The following KLHL2 variants were observed in gnomAD, a reference collection of about 807,000 sequenced individuals.
KLHL2 encodes the protein kelch-like protein 2.
KLHL2 carries 15 observed loss-of-function variants against 75.8 expected under a neutral mutation model. The ratio of observed to expected loss-of-function variants is 0.20; its 90% CI spans 0.13 to 0.30. KLHL2 has a LOEUF of 0.30. KLHL2 is among the 10% of genes least tolerant of loss of function. The pLI, the probability that KLHL2 is intolerant of heterozygous loss-of-function variation, is 1.00. For missense variants in KLHL2, 381 were observed against 741.0 expected (o/e 0.51, Z 5.64); for synonymous variants, 214 against 251.9 (o/e 0.85, Z 1.42).
At chr4:165,304,702 G>A (rs1373217733) in intron 8 of KLHL2, among the ~76,000 whole-genome samples, 1 of 152,168 alleles carries the variant, frequency 6.6e-6, no homozygotes, top group Middle Eastern at 3.4e-3. Context: ...ACTAAATTAC[G>A]GCAGCTTTTC....
At chr4:165,235,056 T>C (rs966031131) in intron 3 of KLHL2, among the ~76,000 whole-genome samples, 1 of 152,204 alleles carries the variant, frequency 6.6e-6, no homozygotes, top group African/African-American at 2.4e-5. Context: ...GCTCACTCTG[T>C]AATGTACAGT....
intron 8 of KLHL2, among the ~76,000 whole-genome samples, chr4:165,303,721 C>G (rs1246827979): frequency 6.6e-6 from 1 of 152,108 alleles, no homozygotes; most frequent in African/African-American, 2.4e-5. Flanking sequence ...CACTATCATG[C>G]CTGGCTAATT....
At chr4:165,214,995 A>G (rs969563757) in intron 1 of KLHL2, among the ~76,000 whole-genome samples, 7 of 152,130 alleles carry the variant, frequency 4.6e-5, no homozygotes, top group Non-Finnish European at 8.8e-5. Context: ...CTGAAGACCT[A>G]ATCCAAGTTC....
Position 165,246,471 on chromosome 4 carries a change from T to C in KLHL2, c.381+7572T>C, listed in dbSNP as rs543341738. Among the ~76,000 whole-genome samples, 341 of 152,120 alleles carry C rather than the reference T, an allele frequency of 2.2e-3. 1 individual carries two copies. The highest frequency in any genetic ancestry group is 7.9e-3 in the African/African-American group (326 of 41,480). On this transcript the variant is annotated intron_variant, in intron 4 of 14. Coordinates refer to ENST00000226725, the MANE Select transcript of KLHL2 (RefSeq NM_007246.4). The stretch of plus-strand genomic sequence containing the variant: ...GCAGTAGAAGAAGTTGGAGGCCCTT[T>C]AGATACCTGTTGGGGTAGGCTAAGT...
chr4:165,223,297 A>G (rs1204080888), intron 2 of KLHL2, among the ~76,000 whole-genome samples: 2 of 152,250 alleles, frequency 1.3e-5, no homozygotes, highest in Non-Finnish European at 2.9e-5. Flanking sequence ...GTGTCTAGAG[A>G]GCTGCTGGAC....
At chr4:165,280,986 A>T (rs1310054650) in intron 5 of KLHL2, among the ~76,000 whole-genome samples, 2 of 152,344 alleles carry the variant, frequency 1.3e-5, no homozygotes, top group African/African-American at 2.4e-5. Flanking sequence ...GAAAATGAAG[A>T]CCAGAGATAT....
rs911763418 is a variant in KLHL2, at chr4:165,305,464, G to A, written c.922-144G>A. 9.3e-6 allele frequency: 6 copies of A among 644,932 alleles called. No individual in the cohort carries two copies. In the East Asian group the frequency reaches 1.3e-4, roughly 14 times the overall value. The allele number at this position is 644,932 out of a possible 1,614,324, so 40.0% of individuals were successfully genotyped here. A position where few individuals can be genotyped will look rare whatever the true frequency, so the allele number is the denominator to read the frequency against. ...CTTGGTTGATGTTTATGAAATGTTG[G>A]TTAGGTGGTTAGATGTTTGTATTCG... On this transcript the variant is annotated intron_variant, in intron 8 of 14. Coordinates refer to ENST00000226725, the MANE Select transcript of KLHL2 (RefSeq NM_007246.4).
intron 14 of KLHL2, 102 bp from the exon 15 acceptor site, chr4:165,321,930 A>C: frequency 3.0e-6 from 3 of 987,288 alleles, no homozygotes; most frequent in Non-Finnish European, 4.9e-6. Context: ...TGATTTGTAC[A>C]GTTCCTCCTG....
intron 4 of KLHL2, among the ~76,000 whole-genome samples, chr4:165,247,052 A>G (rs1464793600): frequency 2.6e-5 from 4 of 152,202 alleles, no homozygotes; most frequent in Non-Finnish European, 4.4e-5. Flanking sequence ...TCAAGGAGAC[A>G]GTGTTTGGCT....
chr4:165,278,963 T>C, intron 5 of KLHL2: 1 of 1,494,716 alleles, frequency 6.7e-7, no homozygotes, highest in Non-Finnish European at 9.3e-7. Flanking sequence ...TGGAAGAATT[T>C]CCATTGGAAT....
At chr4:165,305,476 G>T in intron 8 of KLHL2, 132 bp from the exon 9 acceptor site, 1 of 699,152 alleles carries the variant, frequency 1.4e-6, no homozygotes. Flanking sequence ...TAGGTGGTTA[G>T]ATGTTTGTAT....
At position 165,235,653 on chromosome 4, in the gene KLHL2, T is replaced by C. The variant is rs543631936; in HGVS notation, c.260-3125T>C. On this transcript the variant is annotated intron_variant, in intron 3 of 14. Transcript: ENST00000226725. ...TCCCTGTTCTCAGTGAGCTTAAGAA[T>C]TCAGAGGAGGAGAACTAGGTAAAGA... 2.6e-5 allele frequency among the ~76,000 whole-genome samples: 4 copies of C among 152,240 alleles called. No individual in the cohort carries two copies. In the South Asian group the frequency reaches 6.2e-4, roughly 24 times the overall value.
chr4:165,254,406 A>G (rs540070045), intron 4 of KLHL2, among the ~76,000 whole-genome samples: 1 of 152,212 alleles, frequency 6.6e-6, no homozygotes, highest in Non-Finnish European at 1.5e-5. Flanking sequence ...AGTAATGCTA[A>G]AGTAAAAGTC....
intron 1 of KLHL2, among the ~76,000 whole-genome samples, chr4:165,213,051 G>T (rs1482136084): frequency 2.0e-5 from 3 of 152,192 alleles, no homozygotes; most frequent in African/African-American, 7.2e-5. Flanking sequence ...CTTATTCAAT[G>T]GGATAACCAT....
At chr4:165,238,680 TAC>T in intron 3 of KLHL2, 96 bp from the exon 4 acceptor site, 1 of 1,581,760 alleles carries the variant, frequency 6.3e-7, no homozygotes, top group Non-Finnish European at 8.6e-7. Flanking sequence ...GCCTGTTGAA[TAC>T]AGTGAGTGGC....
At chr4:165,223,080 T>C (rs1470865918) in intron 2 of KLHL2, among the ~76,000 whole-genome samples, 3 of 152,286 alleles carry the variant, frequency 2.0e-5, no homozygotes, top group African/African-American at 7.2e-5. Flanking sequence ...CTTAAACTAA[T>C]TGTTTTTAGA....
chr4:165,313,423 G>T, intron 12 of KLHL2, 57 bp downstream of exon 12: 1 of 1,386,156 alleles, frequency 7.2e-7, no homozygotes, highest in South Asian at 1.8e-5. Flanking sequence ...AATAGTTAAA[G>T]TAAAATGATT....
chr4:165,311,224 T>G (rs1171912076), intron 10 of KLHL2, among the ~76,000 whole-genome samples: 1 of 152,210 alleles, frequency 6.6e-6, no homozygotes, highest in Non-Finnish European at 1.5e-5. Flanking sequence ...ATATAAATTT[T>G]CTTTCTTATG....
At chr4:165,298,039 T>A (rs547930045) in intron 7 of KLHL2, among the ~76,000 whole-genome samples, 2 of 152,224 alleles carry the variant, frequency 1.3e-5, no homozygotes, top group Non-Finnish European at 2.9e-5. Context: ...GCCAGGCTGG[T>A]CTCGAACTCC....
Sources: gnomAD v4.1 joint callset for allele counts (sites outside exome capture counted in the v4.1 genomes callset) on GRCh38, gnomAD v4.1.1 for gene constraint, MANE v1.5 for transcripts, NCBI Gene and HGNC (gene_info 2026-07-23, HGNC 2026-07-21) for gene names.